CFAP20DC: variants seen among roughly 807,000 people sequenced by gnomAD.
The protein encoded by CFAP20DC is CFAP20 domain containing, also known as protein CFAP20DC.
In CFAP20DC, 84 loss-of-function variants were observed where a neutral mutation model predicts 101.7. The observed-to-expected ratio is 0.83, with a 90% CI of 0.69 to 0.99. The LOEUF (loss-of-function observed/expected upper bound fraction) is 0.99, where lower values mean the gene tolerates loss of function less well. CFAP20DC is among the 50% of genes least tolerant of loss of function. CFAP20DC has a pLI of 0.00. For missense variants in CFAP20DC, 1,007 were observed against 970.3 expected (o/e 1.04, Z -0.50); for synonymous variants, 359 against 351.2 (o/e 1.02, Z -0.25).
At chr3:59,028,860 G>C (rs1433593888) in intron 4 of CFAP20DC, among the ~76,000 whole-genome samples, 1 of 152,086 alleles carries the variant, frequency 6.6e-6, no homozygotes, top group African/African-American at 2.4e-5. Context: ...CTCATTTAAT[G>C]CTTATGACAG....
intron 14 of CFAP20DC, among the ~76,000 whole-genome samples, chr3:58,826,085 T>C (rs962049070): frequency 6.6e-6 from 1 of 152,160 alleles, no homozygotes; most frequent in South Asian, 2.1e-4. Flanking sequence ...AGTCGTCAGG[T>C]AAAAATGCTA....
At chr3:59,011,789 G>A (rs1247579837) in intron 4 of CFAP20DC, among the ~76,000 whole-genome samples, 1 of 152,132 alleles carries the variant, frequency 6.6e-6, no homozygotes, top group Non-Finnish European at 1.5e-5. Context: ...TACAGTAAAA[G>A]CAGATGCAGA....
intron 7 of CFAP20DC, among the ~76,000 whole-genome samples, chr3:58,879,394 CTA>C (rs1383877375): frequency 6.6e-6 from 1 of 152,098 alleles, no homozygotes; most frequent in African/African-American, 2.4e-5. Flanking sequence ...AATGTATAGA[CTA>C]TGTAAAGGGT....
intron 15 of CFAP20DC, among the ~76,000 whole-genome samples, chr3:58,789,167 C>T (rs929199089): frequency 2.6e-5 from 4 of 152,154 alleles, no homozygotes; most frequent in Admixed American, 2.0e-4. Context: ...TATAAGGCAA[C>T]TGTAGGTTAA....
chr3:58,809,540 C>T (rs904385255), intron 14 of CFAP20DC, among the ~76,000 whole-genome samples: 8 of 151,758 alleles, frequency 5.3e-5, no homozygotes, highest in African/African-American at 9.7e-5. Flanking sequence ...ATCTCTGGGA[C>T]GCATTCAAAG....
chr3:58,846,951 T>G (rs1274358827), intron 13 of CFAP20DC, among the ~76,000 whole-genome samples: 2 of 147,536 alleles, frequency 1.4e-5, no homozygotes, highest in South Asian at 4.4e-4. Flanking sequence ...CTGGGAAAAC[T>G]GGCTAGCCAT....
chr3:59,011,212 A>G (rs1161381095), intron 4 of CFAP20DC, among the ~76,000 whole-genome samples: 1 of 152,192 alleles, frequency 6.6e-6, no homozygotes, highest in Non-Finnish European at 1.5e-5. Context: ...AGCCTGGCCA[A>G]CATGGTGAAA....
intron 12 of CFAP20DC, among the ~76,000 whole-genome samples, chr3:58,853,482 T>A (rs551424722): frequency 6.6e-6 from 1 of 152,144 alleles, no homozygotes; most frequent in South Asian, 2.1e-4. Flanking sequence ...TAAATCATTT[T>A]ATGAGGCCAG....
At chr3:58,902,742 T>C (rs766123561) in intron 6 of CFAP20DC, among the ~76,000 whole-genome samples, 4 of 152,204 alleles carry the variant, frequency 2.6e-5, no homozygotes, top group East Asian at 1.9e-4. Context: ...AAGTCCCTTA[T>C]GTAAAACAGC....
intron 4 of CFAP20DC, among the ~76,000 whole-genome samples, chr3:59,013,856 C>CA (rs1424212972): frequency 1.3e-5 from 2 of 152,104 alleles, no homozygotes; most frequent in East Asian, 1.9e-4. Flanking sequence ...ATATAAAAAA[C>CA]AAAAAAACTA....
intron 15 of CFAP20DC, among the ~76,000 whole-genome samples, chr3:58,800,524 T>C (rs1370651138): frequency 6.6e-6 from 1 of 152,178 alleles, no homozygotes; most frequent in African/African-American, 2.4e-5. Context: ...CAAGTTACCT[T>C]TTCAATGGCT....
chr3:58,907,770 A>G (rs948540515), intron 6 of CFAP20DC, among the ~76,000 whole-genome samples: 1 of 152,208 alleles, frequency 6.6e-6, no homozygotes, highest in African/African-American at 2.4e-5. Context: ...CATAAGTATT[A>G]TCCTCATTTT....
At chr3:58,817,080 T>C (rs1169324385) in intron 14 of CFAP20DC, among the ~76,000 whole-genome samples, 17 of 151,942 alleles carry the variant, frequency 1.1e-4, no homozygotes, top group East Asian at 1.9e-4. Context: ...GCTGAGGGTC[T>C]TGTCTGTTAG....
intron 4 of CFAP20DC, among the ~76,000 whole-genome samples, chr3:58,981,014 G>A (rs1028304817): frequency 4.0e-5 from 6 of 151,440 alleles, no homozygotes; most frequent in Admixed American, 1.3e-4. Flanking sequence ...AAAGTCTCAG[G>A]ATACAAAATC....
chr3:59,008,647 G>A (rs1251907390), intron 4 of CFAP20DC, among the ~76,000 whole-genome samples: 1 of 151,950 alleles, frequency 6.6e-6, no homozygotes, highest in South Asian at 2.1e-4. Context: ...ACTCATAGGT[G>A]GGAATTGAAC....
chr3:58,917,931 G>A (rs969582033), intron 5 of CFAP20DC, among the ~76,000 whole-genome samples: 1 of 152,122 alleles, frequency 6.6e-6, no homozygotes, highest in African/African-American at 2.4e-5. Flanking sequence ...CAAGTTTCTT[G>A]CAGAAGTATT....
intron 4 of CFAP20DC, among the ~76,000 whole-genome samples, chr3:58,968,369 A>G (rs2091726644): frequency 6.6e-6 from 1 of 152,098 alleles, no homozygotes; most frequent in African/African-American, 2.4e-5. Flanking sequence ...CCTTGCCAGC[A>G]TGTTACTTTT....
chr3:58,765,607 A>C (rs2070232341), intron 15 of CFAP20DC, among the ~76,000 whole-genome samples: 1 of 152,076 alleles, frequency 6.6e-6, no homozygotes, highest in African/African-American at 2.4e-5. Flanking sequence ...CATTTAAGTA[A>C]TTATTTGGCG....
At chr3:58,735,439 T>C (rs572887089) in intron 3 of CFAP20DC, among the ~76,000 whole-genome samples, 1 of 151,660 alleles carries the variant, frequency 6.6e-6, no homozygotes, top group Admixed American at 6.5e-5. Context: ...CATCAAGTGA[T>C]GGTTAGTCTG....
Sources: gnomAD v4.1 joint callset for allele counts (sites outside exome capture counted in the v4.1 genomes callset) on GRCh38, gnomAD v4.1.1 for gene constraint, MANE v1.5 for transcripts, NCBI Gene and HGNC (gene_info 2026-07-23, HGNC 2026-07-21) for gene names.